Variants in EPN1 observed in about 807,000 individuals in gnomAD.
EPN1 encodes the protein epsin-1.
A neutral mutation model predicts 56.9 loss-of-function variants in EPN1; 25 were observed. The ratio of observed to expected loss-of-function variants is 0.44; its 90% CI spans 0.32 to 0.61. The LOEUF (loss-of-function observed/expected upper bound fraction) is 0.61, where lower values mean the gene tolerates loss of function less well. Among genes scored for constraint, EPN1 ranks in the 20% least tolerant of loss-of-function variants. EPN1 has a pLI of 0.05. For missense variants in EPN1, 785 were observed against 823.7 expected, an observed-to-expected ratio of 0.95 and a Z score of 0.58; for synonymous variants, 411 against 361.8, an observed-to-expected ratio of 1.14 and a Z score of -1.54.
chr19:55,689,231 CT>C lies in EPN1; in HGVS notation c.604-65del. ...TCTCTTTCTTCGGCTCTATCTGACC[CT>C]GGCTCTGCCTCTGACTCTGCCTCTG... On this transcript the variant is annotated intron_variant, in intron 4 of 10. Coordinates refer to ENST00000270460, the MANE Select transcript of EPN1 (RefSeq NM_001130072.2). This position sits in a 1 kb window ranked among gnomAD's most constrained non-coding sequence, Gnocchi z 5.7. The C allele has an allele frequency of 7.8e-7, 1 of 1,286,118 alleles. No individual in the cohort carries two copies. Among genetic ancestry groups the C allele is most frequent in the East Asian group, 2.5e-5 (1 of 39,582 alleles). The allele number at this position is 1,286,118 out of a possible 1,614,324, so 79.7% of individuals were successfully genotyped here.
At chr19:55,682,852 G>A (rs1985908852) in intron 2 of EPN1, among the ~76,000 whole-genome samples, 1 of 152,116 alleles carries the variant, frequency 6.6e-6, no homozygotes, top group Admixed American at 6.5e-5. Context: ...TGCCTCCCAG[G>A]TTCAAGCAAT....
In EPN1 at chr19:55,703,675, CT is replaced by C. The variant is rs1251298157; in HGVS notation, c.*8322del. ...GTCACTAGCAGGGCGTCTGATGGAA[CT>C]TTCTGAGATGCCGGAAATGTTCTCT... On this transcript the variant is annotated 3_prime_UTR_variant, in exon 11 of 11. Transcript: ENST00000270460. 6.6e-6 allele frequency: 1 copy of C among 152,254 alleles called. No individual in the cohort carries two copies. Among genetic ancestry groups the C allele is most frequent in the East Asian group, 1.9e-4 (1 of 5,200 alleles). 9.4% of individuals were successfully genotyped at this position (152,254 alleles called of 1,614,324 possible). A position where few individuals can be genotyped will look rare whatever the true frequency, so the allele number is the denominator to read the frequency against.
At chr19:55,685,058 C>T (rs932107503) in intron 2 of EPN1, among the ~76,000 whole-genome samples, 6 of 152,272 alleles carry the variant, frequency 3.9e-5, no homozygotes, top group African/African-American at 1.4e-4. Context: ...CCATCCCTCC[C>T]TCCACCCCTG....
In EPN1 at chr19:55,696,024, G is replaced by A. The variant is rs931347083; in HGVS notation, c.*668G>A. The A allele has an allele frequency of 3.3e-5, 5 of 153,050 alleles. No homozygotes were observed. The highest frequency in any genetic ancestry group is 2.6e-4 in the Admixed American group (4 of 15,326). The allele number at this position is 153,050 out of a possible 1,614,324, so 9.5% of individuals were successfully genotyped here. ...ATGGCCAGACGCTTCCGGTGCAGGAGGCCTTGCTCTTGTGTTGAGGGGACA... is the reference window on the plus strand; with the variant it reads ...ATGGCCAGACGCTTCCGGTGCAGGAAGCCTTGCTCTTGTGTTGAGGGGACA... On this transcript the variant is annotated 3_prime_UTR_variant, in exon 11 of 11. Transcript: ENST00000270460.
At position 55,694,412 on chromosome 19, in the gene EPN1, C is replaced by T. The variant is rs896086726; in HGVS notation, c.1265-314C>T. The T allele has an allele frequency of 1.9e-5, 6 of 310,796 alleles. No individual in the cohort carries two copies. The highest frequency in any genetic ancestry group is 1.1e-4 in the African/African-American group (5 of 46,716). The allele number at this position is 310,796 out of a possible 1,614,324, so 19.3% of individuals were successfully genotyped here. On this transcript the variant is annotated intron_variant, in intron 9 of 10. Coordinates refer to ENST00000270460, the MANE Select transcript of EPN1 (RefSeq NM_001130072.2). The surrounding 1 kb of genome is among the most constrained non-coding windows in gnomAD (Gnocchi z 4.2). ...TGTGAACACGCCCCCGCTGCCTTCCCCCGCGGGCCTATAGACCCTGGACGG... is the reference window on the plus strand; with the variant it reads ...TGTGAACACGCCCCCGCTGCCTTCCTCCGCGGGCCTATAGACCCTGGACGG...
rs571044107 is a variant in EPN1 at position 55,695,811 on chromosome 19, C to T, written c.*455C>T. On this transcript the variant is annotated 3_prime_UTR_variant, in exon 11 of 11. Transcript: ENST00000270460. This position sits in a 1 kb window ranked among gnomAD's most constrained non-coding sequence, Gnocchi z 4.4. ...TGATTTCGTGTGTCCCCCAGAGCCC[C>T]TTCATCCAGGGACCCAGGGCTCAGG... 4.4e-5 allele frequency: 7 copies of T among 159,912 alleles called. No individual in the cohort carries two copies. Among genetic ancestry groups the T allele is most frequent in the Admixed American group, 1.8e-4 (3 of 16,308 alleles). The allele number at this position is 159,912 out of a possible 1,614,324, so 9.9% of individuals were successfully genotyped here.
rs1030162313 is a variant in EPN1 at position 55,694,451 on chromosome 19, C to T, written c.1265-275C>T. The T allele has an allele frequency of 7.5e-5, 30 of 401,468 alleles. No individual in the cohort carries two copies. The highest frequency in any genetic ancestry group is 8.5e-5 in the Admixed American group (2 of 23,576). 24.9% of individuals were successfully genotyped at this position (401,468 alleles called of 1,614,324 possible). ...GACCCTGGACGGCCCCACCCTGAAG[C>T]AGTTGCTGCCCTCTGGTTGTCAGAG... On this transcript the variant is annotated intron_variant, in intron 9 of 10. Coordinates refer to ENST00000270460, the MANE Select transcript of EPN1 (RefSeq NM_001130072.2). The surrounding 1 kb of genome is among the most constrained non-coding windows in gnomAD (Gnocchi z 4.2).
intron 1 of EPN1, among the ~76,000 whole-genome samples, chr19:55,676,014 A>G: frequency 6.6e-6 from 1 of 152,114 alleles, no homozygotes; most frequent in Admixed American, 6.5e-5. Flanking sequence ...CCAGCCTTGG[A>G]TTCAGAAGCC....
chr19:55,679,554 C>A (rs1985670858), intron 2 of EPN1, among the ~76,000 whole-genome samples: 1 of 152,232 alleles, frequency 6.6e-6, no homozygotes, highest in Non-Finnish European at 1.5e-5. Flanking sequence ...AAGGCCCGCT[C>A]TGGGTGTCTT....
Position 55,678,750 on chromosome 19 carries a change from A to G in EPN1, c.123A>G (p.Ser41=), listed in dbSNP as rs776951435. The part of the protein sequence containing the change: ...DPWGPSSSLM[S]EIADLTYNVV... The stretch of plus-strand genomic sequence containing the variant: ...GGGGCCCATCCAGCTCCCTCATGTC[A>G]GAGATTGCCGACCTCACCTACAACG... Residue 41 remains serine, a synonymous_variant, in exon 2 of 11, where the codon TCA becomes TCG. Transcript: ENST00000270460. The G allele has an allele frequency of 2.5e-6, 4 of 1,614,198 alleles. No individual in the cohort carries two copies. The highest frequency in any genetic ancestry group is 3.4e-6 in the Non-Finnish European group (4 of 1,180,024).
intron 1 of EPN1, among the ~76,000 whole-genome samples, chr19:55,676,429 AT>A (rs1985431305): frequency 6.6e-6 from 1 of 152,098 alleles, no homozygotes; most frequent in African/African-American, 2.4e-5. Context: ...TAGTTGGGTA[AT>A]TTTTTCTAAT....
rs115591478 is a variant in EPN1, at chr19:55,704,590, G to A, written c.*9234G>A. 6.6e-6 allele frequency: 1 copy of A among 152,180 alleles called. No homozygotes were observed. Among genetic ancestry groups the A allele is most frequent in the East Asian group, 1.9e-4 (1 of 5,182 alleles). The allele number at this position is 152,180 out of a possible 1,614,324, so 9.4% of individuals were successfully genotyped here. A position where few individuals can be genotyped will look rare whatever the true frequency, so the allele number is the denominator to read the frequency against. On this transcript the variant is annotated 3_prime_UTR_variant, in exon 11 of 11. Coordinates refer to ENST00000270460, the MANE Select transcript of EPN1 (RefSeq NM_001130072.2). ...ACGTTCTATAGCGCTCCCAGCTGGC[G>A]GTACTTTGTTATGACAGCCCTAACA...
chr19:55,706,268 T>TTTTC lies in EPN1; in HGVS notation c.*10912_*10913insTTTC. The TTTTC allele has an allele frequency of 7.0e-6, 1 of 143,764 alleles. No homozygotes were observed. The highest frequency in any genetic ancestry group is 2.0e-4 in the East Asian group (1 of 4,978). The allele number at this position is 143,764 out of a possible 1,614,324, so 8.9% of individuals were successfully genotyped here. On this transcript the variant is annotated 3_prime_UTR_variant, in exon 11 of 11. Coordinates refer to ENST00000270460, the MANE Select transcript of EPN1 (RefSeq NM_001130072.2). ...TTTTCCTCCTCTTTTCTTCCTTTCTTCTCTTTTTCTTCTTCTTTTTTTTTT... is the reference window on the plus strand; with the variant it reads ...TTTTCCTCCTCTTTTCTTCCTTTCTTTTTCCTCTTTTTCTTCTTCTTTTTTTTTT...
chr19:55,692,039 C>G lies in EPN1; in HGVS notation c.1048C>G (p.Pro350Ala), dbSNP rs760701138. ...AGCTGGGGAGGGGCCCACGCCTGAT[C>G]CATGGGGAAGTTCCGATGGTGAGTG... The part of the protein sequence containing the change: ...PAAGEGPTPD[P>A]WGSSDGGVPV... Residue 350 changes from proline (P) to alanine (A), a missense_variant, in exon 7 of 11, where the codon CCA (proline) becomes GCA (alanine). Physicochemically the swap from Pro to Ala is conservative, Grantham distance 27. Transcript: ENST00000270460. 6.9e-7 allele frequency: 1 copy of G among 1,454,496 alleles called. No individual in the cohort carries two copies. Among genetic ancestry groups the G allele is most frequent in the East Asian group, 2.5e-5 (1 of 40,212 alleles). 90.1% of individuals were successfully genotyped at this position (1,454,496 alleles called of 1,614,324 possible).
In EPN1 at chr19:55,709,163, G is replaced by T; in HGVS notation, c.*13807G>T. The T allele has an allele frequency of 1.6e-6, 1 of 631,606 alleles. No homozygotes were observed. The highest frequency in any genetic ancestry group is 2.5e-6 in the Non-Finnish European group (1 of 404,428). 39.1% of individuals were successfully genotyped at this position (631,606 alleles called of 1,614,324 possible). Reference sequence around the variant, plus strand: ...TATTCTTTCCTAGAAATCACTGGGAGAATTGTACTGAATTTGAAAAACAAG... The same window carrying T: ...TATTCTTTCCTAGAAATCACTGGGATAATTGTACTGAATTTGAAAAACAAG... On this transcript the variant is annotated 3_prime_UTR_variant, in exon 11 of 11. Coordinates refer to ENST00000270460, the MANE Select transcript of EPN1 (RefSeq NM_001130072.2).
chr19:55,704,966 C>T lies in EPN1; in HGVS notation c.*9610C>T, dbSNP rs2122248604. On this transcript the variant is annotated 3_prime_UTR_variant, in exon 11 of 11. Transcript: ENST00000270460. Reference sequence around the variant, plus strand: ...CTGTTCTCATCCACTTCCCAAGCATCTCTGGCTGAATGCTGTTCTACACAT... The same window carrying T: ...CTGTTCTCATCCACTTCCCAAGCATTTCTGGCTGAATGCTGTTCTACACAT... The T allele has an allele frequency of 6.6e-6, 1 of 152,424 alleles. No homozygotes were observed. 9.4% of individuals were successfully genotyped at this position (152,424 alleles called of 1,614,324 possible).
chr19:55,708,913 C>T lies in EPN1; in HGVS notation c.*13557C>T, dbSNP rs370051834. The T allele has an allele frequency of 1.9e-6, 3 of 1,539,392 alleles. No homozygotes were observed. The African/African-American group carries it at 4.3e-5, about 22-fold the overall frequency. ...ACGACTACTTCAGGGTGTTCCCCAT[C>T]AGAGGAGCACACCCCTGATCTTGTA... On this transcript the variant is annotated 3_prime_UTR_variant, in exon 11 of 11. Coordinates refer to ENST00000270460, the MANE Select transcript of EPN1 (RefSeq NM_001130072.2).
chr19:55,708,300 G>A lies in EPN1; in HGVS notation c.*12944G>A, dbSNP rs1169745248. 2.0e-5 allele frequency: 3 copies of A among 152,162 alleles called. No individual in the cohort carries two copies. Among genetic ancestry groups the A allele is most frequent in the Admixed American group, 6.6e-5 (1 of 15,264 alleles). 9.4% of individuals were successfully genotyped at this position (152,162 alleles called of 1,614,324 possible). A position where few individuals can be genotyped will look rare whatever the true frequency, so the allele number is the denominator to read the frequency against. Reference sequence around the variant, plus strand: ...TAAGGCATCAGCAATTTACCGTAGGGAACTAGGGAATGTTTAATTATGACA... The same window carrying A: ...TAAGGCATCAGCAATTTACCGTAGGAAACTAGGGAATGTTTAATTATGACA... On this transcript the variant is annotated 3_prime_UTR_variant, in exon 11 of 11. Coordinates refer to ENST00000270460, the MANE Select transcript of EPN1 (RefSeq NM_001130072.2).
chr19:55,676,678 A>G (rs998772863), intron 1 of EPN1: 1 of 155,918 alleles, frequency 6.4e-6, no homozygotes, highest in Non-Finnish European at 1.4e-5. Flanking sequence ...TGTGCGCTGC[A>G]GGTAGCTGAT....
Sources: gnomAD v4.1 joint callset for allele counts (sites outside exome capture counted in the v4.1 genomes callset) on GRCh38, gnomAD v4.1.1 for gene constraint, Gnocchi (gnomAD v3.1) non-coding constraint, MANE v1.5 for transcripts, NCBI Gene and HGNC (gene_info 2026-07-23, HGNC 2026-07-21) for gene names.